LSAMP: variants seen among roughly 807,000 people sequenced by gnomAD.
The protein encoded by LSAMP is limbic system associated membrane protein.
In LSAMP, 7 loss-of-function variants were observed where a neutral mutation model predicts 38.6. The ratio of observed to expected loss-of-function variants is 0.18; its 90% confidence interval spans 0.10 to 0.34. The LOEUF (loss-of-function observed/expected upper bound fraction) is 0.34, where lower values mean the gene tolerates loss of function less well. Ranked by LOEUF, LSAMP falls within the 10% of genes least tolerant of loss-of-function variation. The probability of loss-of-function intolerance (pLI) is 1.00; values close to 1 mark genes in which losing one functional copy is unlikely to be tolerated. For synonymous variants in LSAMP, 154 were observed against 166.8 expected (o/e 0.92, Z 0.59); for missense variants, 313 against 420.0 (o/e 0.75, Z 2.23).
At chr3:115,973,607 G>T (rs1283680357) in intron 3 of LSAMP, among the ~76,000 whole-genome samples, 1 of 152,032 alleles carries the variant, frequency 6.6e-6, no homozygotes, top group Non-Finnish European at 1.5e-5. Flanking sequence ...GGTGGCAGGT[G>T]CCTGTAATCC....
At chr3:116,357,907 C>T (rs1226374678) in intron 1 of LSAMP, among the ~76,000 whole-genome samples, 1 of 142,234 alleles carries the variant, frequency 7.0e-6, no homozygotes, top group Non-Finnish European at 1.5e-5. Flanking sequence ...CAAAGTAAAA[C>T]ACAGAATTAA....
intron 1 of LSAMP, among the ~76,000 whole-genome samples, chr3:116,100,661 A>G (rs11914439): frequency 0.092 from 13,956 of 152,176 alleles, 2,044 homozygotes; most frequent in African/African-American, 0.31. Flanking sequence ...TTTCATAGTG[A>G]ACAGAATGTA....
At chr3:116,396,149 C>A (rs1421570896) in intron 1 of LSAMP, among the ~76,000 whole-genome samples, 1 of 152,108 alleles carries the variant, frequency 6.6e-6, no homozygotes, top group Non-Finnish European at 1.5e-5. Context: ...GGCTACCAGG[C>A]TGATTTACTG....
chr3:116,213,705 T>C (rs2046188667), intron 1 of LSAMP, among the ~76,000 whole-genome samples: 1 of 152,204 alleles, frequency 6.6e-6, no homozygotes. Context: ...TATATATACA[T>C]ACAATGGAAT....
chr3:115,892,098 A>G lies in LSAMP; in HGVS notation c.515-39481T>C, dbSNP rs1159779756. Among the ~76,000 whole-genome samples, 3 of 151,980 alleles carry G rather than the reference A, an allele frequency of 2.0e-5. No individual in the cohort carries two copies. In the East Asian group the frequency reaches 5.8e-4, roughly 29 times the overall value. ...GAGTAGCAGAGGATAAAATGTATAA[A>G]GTCAGAAGCTGGTCAATGAAAAATT... is the stretch of plus-strand genomic sequence containing the variant. On this transcript the variant is annotated intron_variant, in intron 3 of 6. Transcript: ENST00000490035.
At chr3:116,001,852 A>T (rs1940002277) in intron 3 of LSAMP, among the ~76,000 whole-genome samples, 1 of 152,156 alleles carries the variant, frequency 6.6e-6, no homozygotes, top group African/African-American at 2.4e-5. Context: ...TAATTTGTTC[A>T]TCTTTAGATT....
chr3:115,988,594 G>A (rs1269631188), intron 3 of LSAMP, among the ~76,000 whole-genome samples: 1 of 152,016 alleles, frequency 6.6e-6, no homozygotes, highest in Non-Finnish European at 1.5e-5. Flanking sequence ...ACACCATTGC[G>A]ACTTAGAGAG....
intron 1 of LSAMP, among the ~76,000 whole-genome samples, chr3:116,265,264 G>A (rs1438669425): frequency 1.3e-5 from 2 of 152,046 alleles, no homozygotes; most frequent in African/African-American, 4.8e-5. Context: ...GAGAGGCTAA[G>A]GTTCATGCTG....
chr3:115,824,459 T>A (rs555792748), intron 6 of LSAMP, among the ~76,000 whole-genome samples: 22 of 152,246 alleles, frequency 1.4e-4, no homozygotes, highest in African/African-American at 5.3e-4. Context: ...TCCCAGCACT[T>A]TGGGAGGCCA....
In LSAMP at chr3:116,444,920, T is replaced by C. The variant is rs1409878321; in HGVS notation, c.112A>G (p.Thr38Ala). The C allele has an allele frequency of 6.2e-7, 1 of 1,614,074 alleles. No individual in the cohort carries two copies. Residue 38 changes from threonine to alanine, a missense_variant, in exon 1 of 7, where the codon ACG (threonine) becomes GCG (alanine). Coordinates refer to ENST00000490035, the MANE Select transcript of LSAMP (RefSeq NM_002338.5). ...PVRSVDFNRG[T>A]DNITVRQGDT... ...CCCTGCCTCACGGTGATGTTGTCCG[T>C]GCCTCGGTTAAAATCCACGCTGCGA...
chr3:115,939,339 T>C (rs1010558104), intron 3 of LSAMP, among the ~76,000 whole-genome samples: 1 of 152,110 alleles, frequency 6.6e-6, no homozygotes. Context: ...GGATGCAGCA[T>C]TGTACTTTAT....
At chr3:116,076,511 C>A (rs1036721422) in intron 2 of LSAMP, among the ~76,000 whole-genome samples, 1 of 152,300 alleles carries the variant, frequency 6.6e-6, no homozygotes, top group South Asian at 2.1e-4. Context: ...CCCACCTCAG[C>A]CTCCCAAAGT....
intron 1 of LSAMP, among the ~76,000 whole-genome samples, chr3:116,142,552 C>A (rs1392411719): frequency 1.3e-5 from 2 of 151,940 alleles, no homozygotes; most frequent in Non-Finnish European, 2.9e-5. Flanking sequence ...AATGACAGAC[C>A]ATTCATTTAT....
chr3:115,903,274 G>A (rs1250067614), intron 3 of LSAMP, among the ~76,000 whole-genome samples: 2 of 152,112 alleles, frequency 1.3e-5, no homozygotes, highest in Non-Finnish European at 2.9e-5. Context: ...ACTTACACGT[G>A]GGAGCTAAAT....
intron 3 of LSAMP, among the ~76,000 whole-genome samples, chr3:115,986,429 C>T (rs1939510647): frequency 6.6e-6 from 1 of 151,790 alleles, no homozygotes; most frequent in South Asian, 2.1e-4. Flanking sequence ...CATATATCAC[C>T]AAAAAAATAA....
At chr3:116,182,053 A>C (rs1012773435) in intron 1 of LSAMP, among the ~76,000 whole-genome samples, 2 of 151,966 alleles carry the variant, frequency 1.3e-5, no homozygotes, top group Non-Finnish European at 2.9e-5. Context: ...TTTCAGTGTC[A>C]ATGGGAATTG....
In LSAMP at chr3:116,115,381, G is replaced by A. The variant is rs148269425; in HGVS notation, c.156-28825C>T. On this transcript the variant is annotated intron_variant, in intron 1 of 6. Transcript: ENST00000490035. ...TTTCAGAAAAGAAAAGTGAGTCACC[G>A]GTCAATTATTTGCTCAAGGAATTCT... Among the ~76,000 whole-genome samples the A allele has an allele frequency of 4.7e-3, 717 of 152,276 alleles. 5 individuals carry two copies. The highest frequency in any genetic ancestry group is 0.015 in the African/African-American group (644 of 41,554).
At chr3:116,379,280 A>C (rs2048529509) in intron 1 of LSAMP, among the ~76,000 whole-genome samples, 1 of 152,100 alleles carries the variant, frequency 6.6e-6, no homozygotes, top group Admixed American at 6.6e-5. Context: ...GAATTAAAAC[A>C]GACCACTGGG....
At chr3:116,063,076 A>C (rs1433565438) in intron 2 of LSAMP, among the ~76,000 whole-genome samples, 3 of 152,048 alleles carry the variant, frequency 2.0e-5, no homozygotes, top group Non-Finnish European at 4.4e-5. Flanking sequence ...ACCACTCCTT[A>C]TGTACATACA....
Sources: gnomAD v4.1 joint callset for allele counts (sites outside exome capture counted in the v4.1 genomes callset) on GRCh38, gnomAD v4.1.1 for gene constraint, MANE v1.5 for transcripts, NCBI Gene and HGNC (gene_info 2026-07-23, HGNC 2026-07-21) for gene names.